The following RIMS2 variants were observed in gnomAD, a reference collection of about 807,000 sequenced individuals.
RIMS2 encodes the protein regulating synaptic membrane exocytosis protein 2.
Under a neutral mutation model 174.4 loss-of-function variants are expected in RIMS2, and 59 were observed. The observed-to-expected ratio is 0.34, with a 90% CI of 0.27 to 0.42. The LOEUF is 0.42. Ranked by LOEUF, RIMS2 falls within the 10% of genes least tolerant of loss-of-function variation. The probability of loss-of-function intolerance (pLI) is 1.00; values close to 1 mark genes in which losing one functional copy is unlikely to be tolerated. For missense variants in RIMS2, 1,620 were observed against 1,666.3 expected, an observed-to-expected ratio of 0.97 and a Z score of 0.48; for synonymous variants, 606 against 572.5, an observed-to-expected ratio of 1.06 and a Z score of -0.84.
intron 19 of RIMS2, among the ~76,000 whole-genome samples, chr8:104,055,958 C>A (rs2154559494): frequency 6.6e-6 from 1 of 152,226 alleles, no homozygotes; most frequent in African/African-American, 2.4e-5. Context: ...TTCTTCTCTG[C>A]CTCTGCACAC....
chr8:103,762,078 T>C (rs1564544059), intron 2 of RIMS2, among the ~76,000 whole-genome samples: 2 of 151,942 alleles, frequency 1.3e-5, no homozygotes, highest in Non-Finnish European at 2.9e-5. Context: ...GTTATTATTT[T>C]TGTGGTTTAA....
At chr8:104,055,071 G>A (rs2096846595) in intron 19 of RIMS2, among the ~76,000 whole-genome samples, 1 of 152,020 alleles carries the variant, frequency 6.6e-6, no homozygotes, top group African/African-American at 2.4e-5. Flanking sequence ...ATGATCACAT[G>A]TGTTGTGTTT....
At chr8:103,594,682 A>G (rs545973265) in intron 1 of RIMS2, among the ~76,000 whole-genome samples, 2 of 151,956 alleles carry the variant, frequency 1.3e-5, no homozygotes, top group South Asian at 2.1e-4. Flanking sequence ...GCTGGATGGC[A>G]TATCCATAGA....
intron 1 of RIMS2, among the ~76,000 whole-genome samples, chr8:103,666,175 A>G (rs1164141765): frequency 1.3e-5 from 2 of 152,208 alleles, no homozygotes; most frequent in African/African-American, 2.4e-5. Flanking sequence ...AAAATGAGGT[A>G]CAGGAATAGC....
chr8:104,116,886 AC>A (rs1476731312), intron 19 of RIMS2, among the ~76,000 whole-genome samples: 1 of 152,072 alleles, frequency 6.6e-6, no homozygotes, highest in Non-Finnish European at 1.5e-5. Flanking sequence ...TTTTCTTATC[AC>A]TCTAAGTATA....
At chr8:103,849,878 A>G (rs1267600099) in intron 3 of RIMS2, among the ~76,000 whole-genome samples, 1 of 152,052 alleles carries the variant, frequency 6.6e-6, no homozygotes, top group Non-Finnish European at 1.5e-5. Context: ...GTTTTACCAT[A>G]TTATAAAAAT....
intron 2 of RIMS2, among the ~76,000 whole-genome samples, chr8:103,710,495 T>C (rs938815933): frequency 6.6e-6 from 1 of 152,132 alleles, no homozygotes; most frequent in African/African-American, 2.4e-5. Context: ...AGCCATATTT[T>C]TAGTCAAGTG....
At chr8:103,899,439 A>G (rs2099314131) in intron 4 of RIMS2, among the ~76,000 whole-genome samples, 2 of 151,720 alleles carry the variant, frequency 1.3e-5, no homozygotes, top group South Asian at 4.1e-4. Context: ...ATGGTATCTC[A>G]TTGTGGTTTT....
intron 19 of RIMS2, among the ~76,000 whole-genome samples, chr8:104,120,145 A>G (rs1011218599): frequency 3.3e-5 from 5 of 152,184 alleles, no homozygotes; most frequent in Non-Finnish European, 5.9e-5. Context: ...GTAGAGAGCA[A>G]ACCAGATGAT....
chr8:104,025,628 C>T (rs899774391), intron 19 of RIMS2, among the ~76,000 whole-genome samples: 4 of 152,020 alleles, frequency 2.6e-5, no homozygotes, highest in African/African-American at 9.7e-5. Context: ...ATTTGTGGCA[C>T]AAAATCTGAA....
At chr8:104,237,710 CAATT>C (rs1468216943) in intron 19 of RIMS2, among the ~76,000 whole-genome samples, 4 of 152,032 alleles carry the variant, frequency 2.6e-5, no homozygotes, top group Non-Finnish European at 4.4e-5. Context: ...TTTTGTGTGT[CAATT>C]GTTAATTTTT....
rs1210112687 is a variant in RIMS2 at position 104,079,306 on chromosome 8, C to G, written c.3334+64691C>G. ...CTGCCATTGCCAAGAGTGCAGTACCCTCCTGTAATTACCTAAGAATATAAA... is the reference window on the plus strand; with the variant it reads ...CTGCCATTGCCAAGAGTGCAGTACCGTCCTGTAATTACCTAAGAATATAAA... On this transcript the variant is annotated intron_variant, in intron 19 of 23. Coordinates refer to ENST00000504942, the Ensembl canonical transcript of RIMS2. Among the ~76,000 whole-genome samples the G allele has an allele frequency of 3.9e-5, 6 of 152,100 alleles. No individual in the cohort carries two copies. In the South Asian group the frequency reaches 8.3e-4, roughly 21 times the overall value.
At chr8:104,207,630 A>AC in intron 19 of RIMS2, among the ~76,000 whole-genome samples, 1 of 151,856 alleles carries the variant, frequency 6.6e-6, no homozygotes, top group South Asian at 2.1e-4. Flanking sequence ...ACGTGGTGAA[A>AC]CCCCATCTCT....
At chr8:104,196,504 G>A (rs933091439) in intron 19 of RIMS2, among the ~76,000 whole-genome samples, 1 of 151,892 alleles carries the variant, frequency 6.6e-6, no homozygotes, top group Non-Finnish European at 1.5e-5. Flanking sequence ...TTAATTCTTA[G>A]TAACCTTAAT....
chr8:103,960,506 G>GT (rs1291382516), intron 14 of RIMS2, among the ~76,000 whole-genome samples: 1 of 151,994 alleles, frequency 6.6e-6, no homozygotes, highest in Non-Finnish European at 1.5e-5. Context: ...AAACTACATA[G>GT]TTTTTTTAAA....
chr8:103,579,441 A>G (rs147145127), intron 1 of RIMS2, among the ~76,000 whole-genome samples: 65 of 152,344 alleles, frequency 4.3e-4, no homozygotes, highest in African/African-American at 1.5e-3. Flanking sequence ...TACAGTGTGC[A>G]GTCCATTCAT....
intron 19 of RIMS2, chr8:104,223,805 C>T (rs1458653711): frequency 6.3e-7 from 1 of 1,592,562 alleles, no homozygotes; most frequent in Admixed American, 1.7e-5. Context: ...TGAGACACCC[C>T]TTCCCCCGTA....
chr8:103,576,285 G>GA (rs1238748991), intron 1 of RIMS2, among the ~76,000 whole-genome samples: 1 of 152,134 alleles, frequency 6.6e-6, no homozygotes, highest in East Asian at 1.9e-4. Context: ...CAACATGGCA[G>GA]AAAAAACAAA....
intron 1 of RIMS2, among the ~76,000 whole-genome samples, chr8:103,686,150 G>T (rs1372293355): frequency 2.0e-5 from 3 of 151,874 alleles, no homozygotes; most frequent in African/African-American, 7.3e-5. Flanking sequence ...CTAAATACAC[G>T]TGTAATTGTT....
Sources: gnomAD v4.1 joint callset for allele counts (sites outside exome capture counted in the v4.1 genomes callset) on GRCh38, gnomAD v4.1.1 for gene constraint, MANE v1.5 for transcripts, NCBI Gene and HGNC (gene_info 2026-07-23, HGNC 2026-07-21) for gene names.